The following IFT140 variants were observed in gnomAD, a reference collection of about 807,000 sequenced individuals.
IFT140 encodes the protein intraflagellar transport protein 140 homolog.
A neutral mutation model predicts 164.6 loss-of-function variants in IFT140; 133 were observed. The observed-to-expected ratio is 0.81, with a 90% confidence interval of 0.70 to 0.93. The LOEUF is 0.93. IFT140 is among the 40% of genes least tolerant of loss of function. The pLI is 0.00. For missense variants in IFT140, 2,045 were observed against 1,972.3 expected, an observed-to-expected ratio of 1.04 and a Z score of -0.70; for synonymous variants, 860 against 817.3, an observed-to-expected ratio of 1.05 and a Z score of -0.89.
intron 19 of IFT140, among the ~76,000 whole-genome samples, chr16:1,543,049 G>C (rs549087333): frequency 6.6e-6 from 1 of 152,358 alleles, no homozygotes; most frequent in South Asian, 2.1e-4. Context: ...TGAGAGGTTT[G>C]AAGACTGTGG....
At chr16:1,569,971 C>A (rs1326976883) in intron 14 of IFT140, among the ~76,000 whole-genome samples, 1 of 152,116 alleles carries the variant, frequency 6.6e-6, no homozygotes, top group Non-Finnish European at 1.5e-5. Flanking sequence ...TTTTGTTGCT[C>A]CAATTATTCC....
At chr16:1,543,009 AG>A (rs2031795385) in intron 19 of IFT140, among the ~76,000 whole-genome samples, 1 of 152,250 alleles carries the variant, frequency 6.6e-6, no homozygotes, top group Non-Finnish European at 1.5e-5. Context: ...CAGCGACCCC[AG>A]GGGGCTCTGC....
intron 3 of IFT140, among the ~76,000 whole-genome samples, chr16:1,605,450 G>A (rs959795553): frequency 1.3e-5 from 2 of 152,194 alleles, no homozygotes; most frequent in Non-Finnish European, 2.9e-5. Flanking sequence ...CTGTTGCCCA[G>A]GCTGGAGTGC....
chr16:1,608,395 G>A (rs1009949302), intron 2 of IFT140, among the ~76,000 whole-genome samples: 3 of 152,110 alleles, frequency 2.0e-5, no homozygotes, highest in Admixed American at 2.0e-4. Flanking sequence ...TTGGGAGGCC[G>A]AGGTGGGCAG....
At chr16:1,514,607 G>A (rs1289796574) in intron 30 of IFT140, 1 of 152,062 alleles carries the variant, frequency 6.6e-6, no homozygotes, top group Non-Finnish European at 1.5e-5. Context: ...AAGAGTTTCG[G>A]CTCTGAGCTG....
At position 1,580,795 on chromosome 16, in the gene IFT140, C is replaced by T. The variant is rs1383563444; in HGVS notation, c.1488G>A (p.Thr496=). The part of the protein sequence containing the change: ...VLAMHEENVY[T]VESNRVQVRT... ...GAACTTGAACTCGGTTTGACTCCAC[C>T]GTGTAAACGTTTTCTTCATGCATTG... Residue 496 remains threonine, a synonymous_variant, in exon 13 of 31, where the codon ACG becomes ACA. Transcript: ENST00000426508. The T allele has an allele frequency of 2.5e-6, 4 of 1,613,894 alleles. No homozygotes were observed. Among genetic ancestry groups the T allele is most frequent in the South Asian group, 2.2e-5 (2 of 91,082 alleles).
intron 26 of IFT140, among the ~76,000 whole-genome samples, chr16:1,522,199 A>G (rs2040545873): frequency 6.6e-6 from 1 of 151,614 alleles, no homozygotes; most frequent in Non-Finnish European, 1.5e-5. Context: ...TCTACTAAAC[A>G]CAGAAAATTA....
At position 1,510,888 on chromosome 16, in the gene IFT140, A is replaced by C; in HGVS notation, c.*56T>G. 4 of 1,533,822 alleles carry C rather than the reference A, an allele frequency of 2.6e-6. No individual in the cohort carries two copies. The highest frequency in any genetic ancestry group is 3.6e-6 in the Non-Finnish European group (4 of 1,122,076). ...TGCTGGCTTTGCCACAGCTGACAAA[A>C]AAATTCCAGAAGATGCCTTTCTGCA... On this transcript the variant is annotated 3_prime_UTR_variant, in exon 31 of 31. Coordinates refer to ENST00000426508, the MANE Select transcript of IFT140 (RefSeq NM_014714.4).
At chr16:1,593,213 C>A (rs2035282193) in intron 4 of IFT140, among the ~76,000 whole-genome samples, 1 of 152,182 alleles carries the variant, frequency 6.6e-6, no homozygotes, top group Non-Finnish European at 1.5e-5. Context: ...TCAAACAATT[C>A]AAAAGTTTTT....
chr16:1,522,299 G>A (rs2040548516), intron 26 of IFT140, among the ~76,000 whole-genome samples: 1 of 152,150 alleles, frequency 6.6e-6, no homozygotes, highest in Non-Finnish European at 1.5e-5. Context: ...TGAGGTTGCA[G>A]TAAGCCAAGA....
intron 19 of IFT140, among the ~76,000 whole-genome samples, chr16:1,527,799 C>T (rs1054916029): frequency 2.6e-5 from 4 of 152,190 alleles, no homozygotes; most frequent in Non-Finnish European, 4.4e-5. Flanking sequence ...TCTCGAACTT[C>T]TGAGCTCAAG....
rs1423102192 is a variant in IFT140, at chr16:1,526,594, C to T, written c.2577+25G>A. On this transcript the variant is annotated intron_variant, in intron 20 of 30. Coordinates refer to ENST00000426508, the MANE Select transcript of IFT140 (RefSeq NM_014714.4). ...TGTGGCAGGCGTGGTGCCTTCCCACCCACCCCATGGCGGGCGCCCCTCACC... is the reference window on the plus strand; with the variant it reads ...TGTGGCAGGCGTGGTGCCTTCCCACTCACCCCATGGCGGGCGCCCCTCACC... The T allele has an allele frequency of 1.3e-6, 2 of 1,500,946 alleles. No homozygotes were observed. The highest frequency in any genetic ancestry group is 1.8e-6 in the Non-Finnish European group (2 of 1,134,438). The allele number at this position is 1,500,946 out of a possible 1,614,324, so 93.0% of individuals were successfully genotyped here.
chr16:1,592,439 C>G, intron 5 of IFT140, 28 bp downstream of exon 5: 1 of 1,612,924 alleles, frequency 6.2e-7, no homozygotes, highest in Non-Finnish European at 8.5e-7. Context: ...AACACACACA[C>G]AGGTCACAGG....
chr16:1,541,061 G>A, intron 19 of IFT140: 1 of 985,396 alleles, frequency 1.0e-6, no homozygotes, highest in African/African-American at 1.7e-5. Context: ...TGGTCCCTGA[G>A]GGCAACAAAC....
At chr16:1,555,405 C>T (rs763156611) in intron 19 of IFT140, 55 of 196,674 alleles carry the variant, frequency 2.8e-4, no homozygotes, top group Middle Eastern at 2.0e-3. Context: ...CCATATCTTA[C>T]ACTTTGGTAA....
At chr16:1,525,585 G>T (rs148583796) in intron 21 of IFT140, among the ~76,000 whole-genome samples, 26 of 152,334 alleles carry the variant, frequency 1.7e-4, no homozygotes, top group Admixed American at 4.6e-4. Context: ...TCTGGAGAGG[G>T]TGACATGGGG....
At chr16:1,529,740 G>A (rs571447912) in intron 19 of IFT140, among the ~76,000 whole-genome samples, 121 of 152,302 alleles carry the variant, frequency 7.9e-4, no homozygotes, top group African/African-American at 2.6e-3. Context: ...AAAAATCCAC[G>A]TGGAAGGACC....
chr16:1,604,280 T>TGTGTGTGTGTGTGG, intron 3 of IFT140: 1 of 128,308 alleles, frequency 7.8e-6, no homozygotes, highest in Non-Finnish European at 1.6e-5. Flanking sequence ...AGGGCGTGTG[T>TGTGTGTGTGTGTGG]GTGTGTGTGT....
intron 8 of IFT140, 23 bp from the exon 9 acceptor site, chr16:1,587,327 C>G: frequency 6.8e-7 from 1 of 1,466,428 alleles, no homozygotes; most frequent in Non-Finnish European, 9.6e-7. Context: ...AAAGCAAGCC[C>G]CATGGAGGGC....
Sources: allele counts gnomAD v4.1 joint callset (sites outside exome capture counted in the v4.1 genomes callset), GRCh38; gene constraint gnomAD v4.1.1; transcripts MANE v1.5; gene names NCBI Gene and HGNC (gene_info 2026-07-23, HGNC 2026-07-21).